Variants in SMG7 observed in about 807,000 individuals in gnomAD.
SMG7 encodes SMG7 nonsense mediated mRNA decay factor.
Under a neutral mutation model 148.2 loss-of-function variants are expected in SMG7, and 34 were observed. The observed-to-expected ratio is 0.23, with a 90% confidence interval of 0.17 to 0.31. SMG7 has a LOEUF of 0.31. Among genes scored for constraint, SMG7 ranks in the 10% least tolerant of loss-of-function variants. SMG7 has a pLI of 1.00. For synonymous variants in SMG7, 492 were observed against 515.1 expected, an observed-to-expected ratio of 0.96 and a Z score of 0.61; for missense variants, 1,114 against 1,408.4, an observed-to-expected ratio of 0.79 and a Z score of 3.35.
chr1:183,481,004 G>A (rs1352019934), intron 1 of SMG7, among the ~76,000 whole-genome samples: 1 of 152,124 alleles, frequency 6.6e-6, no homozygotes, highest in Non-Finnish European at 1.5e-5. Context: ...ACAAATTCTG[G>A]TTCTTTTTCA....
At position 183,544,301 on chromosome 1, in the gene SMG7, G is replaced by A. The variant is rs144877151; in HGVS notation, c.1843-52G>A. The A allele has an allele frequency of 8.7e-5, 129 of 1,482,980 alleles. 2 individuals are homozygous for A. In the African/African-American group the frequency reaches 1.6e-3, roughly 18 times the overall value. 91.9% of individuals were successfully genotyped at this position (1,482,980 alleles called of 1,614,324 possible). ...TCTTAGGAGTAGGGTCTTCTTTCTA[G>A]CACATTTGAGTTTCAATTTATTATA... On this transcript the variant is annotated intron_variant, in intron 14 of 22. Coordinates refer to ENST00000688051, the MANE Select transcript of SMG7 (RefSeq NM_001375584.1).
intron 1 of SMG7, among the ~76,000 whole-genome samples, chr1:183,477,265 T>G (rs1652453157): frequency 6.6e-6 from 1 of 152,192 alleles, no homozygotes. Context: ...ACTTTCCTCC[T>G]TTTCTTCCTT....
At chr1:183,536,415 T>G (rs1667803034) in intron 10 of SMG7, among the ~76,000 whole-genome samples, 1 of 152,142 alleles carries the variant, frequency 6.6e-6, no homozygotes, top group Admixed American at 6.5e-5. Flanking sequence ...AAATTGCTCT[T>G]ATGTTTGAAA....
chr1:183,515,000 A>G (rs1167662417), intron 2 of SMG7, among the ~76,000 whole-genome samples: 1 of 152,210 alleles, frequency 6.6e-6, no homozygotes, highest in Non-Finnish European at 1.5e-5. Flanking sequence ...TGGGAAATAT[A>G]TAATTGAAAA....
intron 4 of SMG7, 40 bp from the exon 5 acceptor site, chr1:183,526,556 C>G (rs769590676): frequency 1.3e-5 from 19 of 1,427,856 alleles, no homozygotes; most frequent in Admixed American, 1.8e-5. Flanking sequence ...TTTTAGAGCA[C>G]TTGTGACTTA....
chr1:183,553,132 A>C lies in SMG7; in HGVS notation c.*1201A>C. 1 of 1,536,406 alleles carries C rather than the reference A, an allele frequency of 6.5e-7. No individual in the cohort carries two copies. On this transcript the variant is annotated 3_prime_UTR_variant, in exon 23 of 23. Transcript: ENST00000688051. ...GAGTGAAATTCAAGGCAGCACGGAC[A>C]TGTGCCCATCAGGCACAGAAGAAAA...
intron 1 of SMG7, among the ~76,000 whole-genome samples, chr1:183,477,925 A>G (rs917974141): frequency 1.3e-4 from 20 of 152,154 alleles, no homozygotes; most frequent in Admixed American, 2.0e-4. Flanking sequence ...TAACAGCCAC[A>G]GGGTTGTTTT....
intron 18 of SMG7, among the ~76,000 whole-genome samples, chr1:183,548,584 T>C (rs554410276): frequency 5.3e-4 from 81 of 152,326 alleles, no homozygotes; most frequent in Non-Finnish European, 8.8e-5. Context: ...ATACAACGTA[T>C]GTCAAAGTGC....
intron 1 of SMG7, among the ~76,000 whole-genome samples, chr1:183,500,775 A>G (rs1259920760): frequency 6.6e-6 from 1 of 152,178 alleles, no homozygotes; most frequent in Non-Finnish European, 1.5e-5. Flanking sequence ...AAAAGCATGA[A>G]TAAGGATACT....
chr1:183,538,315 G>T (rs1193839762), intron 11 of SMG7, 65 bp from the exon 12 acceptor site: 11 of 1,062,242 alleles, frequency 1.0e-5, no homozygotes, highest in Non-Finnish European at 1.5e-5. Context: ...AAAATTTAGT[G>T]AACAGTATTC....
rs921126547 is a variant in SMG7, at chr1:183,472,637, C to T, written c.17C>T (p.Ala6Val). The part of the protein sequence containing the change: MSLQS[A>V]QYLRQAEVLK... ...CGGCGGAGGATGAGCCTGCAGAGCG[C>T]GCAGTACCTCCGGTGAGTGCCGAGG... Residue 6 changes from alanine (A) to valine (V), a missense_variant, in exon 1 of 23, where the codon GCG (alanine) becomes GTG (valine). Ala to Val is a moderately conservative substitution (Grantham distance 64, BLOSUM62 0). Around this residue, in one of 4 missense-constraint regions of SMG7, gnomAD observed 216 missense variants for 329.1 expected, o/e 0.66. Coordinates refer to ENST00000688051, the MANE Select transcript of SMG7 (RefSeq NM_001375584.1). 2 of 1,466,150 alleles carry T rather than the reference C, an allele frequency of 1.4e-6. No homozygotes were observed. The highest frequency in any genetic ancestry group is 1.8e-6 in the Non-Finnish European group (2 of 1,099,000). 90.8% of individuals were successfully genotyped at this position (1,466,150 alleles called of 1,614,324 possible).
At position 183,540,976 on chromosome 1, in the gene SMG7, A is replaced by G; in HGVS notation, c.1296-8A>G. The G allele has an allele frequency of 1.9e-6, 3 of 1,610,836 alleles. No homozygotes were observed. The highest frequency in any genetic ancestry group is 2.5e-6 in the Non-Finnish European group (3 of 1,178,412). On this transcript the variant is annotated splice_region_variant and splice_polypyrimidine_tract_variant and intron_variant, in intron 12 of 22. Transcript: ENST00000688051. ...AATATTCTCATAACTTGCTTGTGTC[A>G]ATTTTAGGAACTTGGATTTTTCCAA...
chr1:183,547,539 T>A (rs1038262127), intron 18 of SMG7, among the ~76,000 whole-genome samples: 1 of 152,218 alleles, frequency 6.6e-6, no homozygotes, highest in African/African-American at 2.4e-5. Flanking sequence ...GGTGACAAAT[T>A]AACTCACTTT....
chr1:183,491,981 T>C (rs1392173985), intron 1 of SMG7, among the ~76,000 whole-genome samples: 1 of 152,184 alleles, frequency 6.6e-6, no homozygotes, highest in African/African-American at 2.4e-5. Context: ...CCCTTTCGTA[T>C]GGCACTGATC....
chr1:183,483,166 A>C (rs1179348575), intron 1 of SMG7, among the ~76,000 whole-genome samples: 1 of 152,096 alleles, frequency 6.6e-6, no homozygotes, highest in Non-Finnish European at 1.5e-5. Context: ...TAATATTCTC[A>C]TCTGTTTCCC....
chr1:183,473,926 G>A (rs1381106319), intron 1 of SMG7: 5 of 971,810 alleles, frequency 5.1e-6, no homozygotes, highest in East Asian at 2.3e-4. Context: ...ACATAGGGTG[G>A]CCATTATAAT....
intron 17 of SMG7, 102 bp downstream of exon 17, chr1:183,546,439 G>C: frequency 1.6e-6 from 2 of 1,242,700 alleles, no homozygotes; most frequent in Non-Finnish European, 2.3e-6. Context: ...ACTCTTATTC[G>C]TTAGTACTAT....
Position 183,504,324 on chromosome 1 carries a change from G to GATTTATTT in SMG7, c.30-8488_30-8481dup, listed in dbSNP as rs374218162. On this transcript the variant is annotated intron_variant, in intron 1 of 22. Coordinates refer to ENST00000688051, the MANE Select transcript of SMG7 (RefSeq NM_001375584.1). ...CTAGCGATTTTTCTGTTGATATCTT[G>GATTTATTT]ATTTATTTATTTATTTATTTATTTA... Among the ~76,000 whole-genome samples, 644 of 150,886 alleles carry GATTTATTT rather than the reference G, an allele frequency of 4.3e-3. 3 individuals are homozygous for GATTTATTT. Among genetic ancestry groups the GATTTATTT allele is most frequent in the East Asian group, 0.021 (110 of 5,168 alleles).
chr1:183,485,356 A>G lies in SMG7; in HGVS notation c.29+12707A>G, dbSNP rs555374252. On this transcript the variant is annotated intron_variant, in intron 1 of 22. Coordinates refer to ENST00000688051, the MANE Select transcript of SMG7 (RefSeq NM_001375584.1). Reference sequence around the variant, plus strand: ...CTTCTCATCAGTGTCAACCTTCCTAATGCACTTTTTCTTTGTAGATAATAA... The same window carrying G: ...CTTCTCATCAGTGTCAACCTTCCTAGTGCACTTTTTCTTTGTAGATAATAA... 2.8e-3 allele frequency among the ~76,000 whole-genome samples: 430 copies of G among 152,284 alleles called. 1 individual carries two copies. Among genetic ancestry groups the G allele is most frequent in the Non-Finnish European group, 3.0e-3 (207 of 68,006 alleles).
Sources: gnomAD v4.1 joint callset for allele counts (sites outside exome capture counted in the v4.1 genomes callset) on GRCh38, gnomAD v4.1.1 for gene constraint, gnomAD v4.1.1 regional missense constraint, MANE v1.5 for transcripts, NCBI Gene and HGNC (gene_info 2026-07-23, HGNC 2026-07-21) for gene names.